Variants in BCL7A observed in about 807,000 individuals in gnomAD.
BCL7A encodes B-cell CLL/lymphoma 7 protein family member A.
Under a neutral mutation model 28.4 loss-of-function variants are expected in BCL7A, and 11 were observed. The ratio of observed to expected loss-of-function variants is 0.39; its 90% CI spans 0.24 to 0.64. BCL7A has a LOEUF of 0.64. Among genes scored for constraint, BCL7A ranks in the 30% least tolerant of loss-of-function variants. The probability of loss-of-function intolerance (pLI) is 0.50; values close to 1 mark genes in which losing one functional copy is unlikely to be tolerated. For synonymous variants in BCL7A, 123 were observed against 103.3 expected, an observed-to-expected ratio of 1.19 and a Z score of -1.15; for missense variants, 222 against 274.8, an observed-to-expected ratio of 0.81 and a Z score of 1.36.
intron 3 of BCL7A, among the ~76,000 whole-genome samples, chr12:122,043,635 G>A (rs1268832569): frequency 6.6e-6 from 1 of 151,932 alleles, no homozygotes; most frequent in Non-Finnish European, 1.5e-5. Flanking sequence ...AGCCAGGCGT[G>A]GTGGCAAGTA....
In BCL7A at chr12:122,044,308, A is replaced by G. The variant is rs559442757; in HGVS notation, c.439+255A>G. 67 of 414,186 alleles carry G rather than the reference A, an allele frequency of 1.6e-4. No individual in the cohort carries two copies. In the South Asian group the frequency reaches 2.8e-3, roughly 17 times the overall value. 25.7% of individuals were successfully genotyped at this position (414,186 alleles called of 1,614,324 possible). ...AGGACTGCTTGAGCCTAGGAGTTCA[A>G]GACCAGCCTGGGCAACATAGCAAGA... On this transcript the variant is annotated intron_variant, in intron 4 of 5. Coordinates refer to ENST00000261822, the MANE Select transcript of BCL7A (RefSeq NM_001024808.3).
chr12:122,035,738 G>A (rs1337914845), intron 3 of BCL7A, among the ~76,000 whole-genome samples: 1 of 152,182 alleles, frequency 6.6e-6, no homozygotes, highest in African/African-American at 2.4e-5. Flanking sequence ...AGATTGTTTG[G>A]GCGTATGTTT....
chr12:122,037,723 G>C (rs1883883874), intron 3 of BCL7A, among the ~76,000 whole-genome samples: 1 of 152,042 alleles, frequency 6.6e-6, no homozygotes, highest in Non-Finnish European at 1.5e-5. Context: ...GAGGTGGGCG[G>C]ATCACCTGAG....
Position 122,021,957 on chromosome 12 carries a change from T to TGTGTGTGTGTGTGTGAGA in BCL7A, c.-134_-133insTGTGTGTGTGTGTGAGAG. The TGTGTGTGTGTGTGTGAGA allele has an allele frequency of 1.7e-6, 1 of 583,462 alleles. No individual in the cohort carries two copies. Among genetic ancestry groups the TGTGTGTGTGTGTGTGAGA allele is most frequent in the Non-Finnish European group, 3.0e-6 (1 of 328,924 alleles). 36.1% of individuals were successfully genotyped at this position (583,462 alleles called of 1,614,324 possible). ...GTGTGTGTGTGTGTGTGTGTGTGTG[T>TGTGTGTGTGTGTGTGAGA]GAGTGTGTGCGTGTGAGAGTGCGAG... On this transcript the variant is annotated 5_prime_UTR_variant, in exon 1 of 6. The change abolishes the stop of an existing upstream ORF in the 5' untranslated region. Coordinates refer to ENST00000261822, the MANE Select transcript of BCL7A (RefSeq NM_001024808.3).
intron 1 of BCL7A, among the ~76,000 whole-genome samples, chr12:122,026,313 C>G (rs1300906471): frequency 6.6e-6 from 1 of 151,976 alleles, no homozygotes; most frequent in Non-Finnish European, 1.5e-5. Flanking sequence ...CATGGTGACC[C>G]TCGTCTGTAA....
intron 2 of BCL7A, 132 bp downstream of exon 2, chr12:122,030,913 C>A: frequency 1.2e-6 from 1 of 843,352 alleles, no homozygotes; most frequent in Non-Finnish European, 1.9e-6. Context: ...GTAGAAGGAC[C>A]CAGATTAGAC....
intron 1 of BCL7A, among the ~76,000 whole-genome samples, chr12:122,025,946 C>CAAAAAAAAAAAAAAAA (rs1204623444): frequency 9.2e-6 from 1 of 108,194 alleles, no homozygotes; most frequent in Non-Finnish European, 1.8e-5. Flanking sequence ...GACTCCATCT[C>CAAAAAAAAAAAAAAAA]AAAAAAAAAA....
intron 1 of BCL7A, 29 bp from the exon 2 acceptor site, chr12:122,030,671 G>A (rs144297458): frequency 2.6e-4 from 413 of 1,597,206 alleles, no homozygotes; most frequent in Non-Finnish European, 3.2e-4. Flanking sequence ...AAGAGTCCCC[G>A]GTAACAGGCT....
chr12:122,058,532 G>C (rs1193814759), intron 5 of BCL7A, among the ~76,000 whole-genome samples: 1 of 152,100 alleles, frequency 6.6e-6, no homozygotes, highest in Non-Finnish European at 1.5e-5. Context: ...GGTGGCGCGT[G>C]CCTGTAATCA....
chr12:122,027,227 T>C (rs1429580033), intron 1 of BCL7A, among the ~76,000 whole-genome samples: 4 of 152,234 alleles, frequency 2.6e-5, no homozygotes, highest in Admixed American at 2.6e-4. Flanking sequence ...CAGGTCATGT[T>C]TTCAAGAGTA....
chr12:122,058,324 G>C (rs1951893115), intron 5 of BCL7A, among the ~76,000 whole-genome samples: 1 of 152,150 alleles, frequency 6.6e-6, no homozygotes, highest in African/African-American at 2.4e-5. Flanking sequence ...GGCCAACATG[G>C]TGAAACATGG....
chr12:122,051,616 C>T (rs749376890), intron 4 of BCL7A, among the ~76,000 whole-genome samples: 1 of 152,140 alleles, frequency 6.6e-6, no homozygotes, highest in African/African-American at 2.4e-5. Context: ...CTGCCGGGCA[C>T]CTCTCTGCCC....
At position 122,021,995 on chromosome 12, in the gene BCL7A, A is replaced by G; in HGVS notation, c.-97A>G. 1 of 957,192 alleles carries G rather than the reference A, an allele frequency of 1.0e-6. No individual in the cohort carries two copies. The highest frequency in any genetic ancestry group is 2.8e-5 in the East Asian group (1 of 35,762). 59.3% of individuals were successfully genotyped at this position (957,192 alleles called of 1,614,324 possible). On this transcript the variant is annotated 5_prime_UTR_variant, in exon 1 of 6. Coordinates refer to ENST00000261822, the MANE Select transcript of BCL7A (RefSeq NM_001024808.3). ...GTGAGAGTGCGAGTGTCTGTGCGCG[A>G]GTGAGTGAGCGGCGGGCGGGCGCGA...
At chr12:122,054,375 C>T (rs1481035106) in intron 4 of BCL7A, among the ~76,000 whole-genome samples, 1 of 152,232 alleles carries the variant, frequency 6.6e-6, no homozygotes, top group Non-Finnish European at 1.5e-5. Context: ...GCCTGAGCCA[C>T]CGTGCCCGGC....
chr12:122,043,927 A>G lies in BCL7A; in HGVS notation c.313A>G (p.Ile105Val), dbSNP rs752255513. 21 of 1,613,620 alleles carry G rather than the reference A, an allele frequency of 1.3e-5. No individual in the cohort carries two copies. Among genetic ancestry groups the G allele is most frequent in the Non-Finnish European group, 1.7e-5 (20 of 1,179,986 alleles). The change falls in exon 4 of 6, where the codon ATC (isoleucine) becomes GTC (valine). Residue 105 changes from isoleucine (I) to valine (V), a missense_variant. Physicochemically the swap from Ile to Val is conservative, Grantham distance 29. Transcript: ENST00000261822. Reference protein sequence around the residue: ...NQSSIADASPIKQENSSNSSP... With the variant: ...NQSSIADASPVKQENSSNSSP... Reference sequence around the variant, plus strand: ...GAGCTCCATCGCAGATGCCTCCCCCATCAAACAGGAGAACAGCAGCAACTC... The same window carrying G: ...GAGCTCCATCGCAGATGCCTCCCCCGTCAAACAGGAGAACAGCAGCAACTC...
chr12:122,050,768 C>T (rs1296331197), intron 4 of BCL7A, among the ~76,000 whole-genome samples: 1 of 152,230 alleles, frequency 6.6e-6, no homozygotes, highest in Non-Finnish European at 1.5e-5. Flanking sequence ...TGCACTCCAG[C>T]TTGGGCGACA....
At position 122,052,316 on chromosome 12, in the gene BCL7A, G is replaced by T. The variant is rs55947116; in HGVS notation, c.440-2489G>T. Among the ~76,000 whole-genome samples, 642 of 152,288 alleles carry T rather than the reference G, an allele frequency of 4.2e-3. 8 individuals carry two copies. The highest frequency in any genetic ancestry group is 0.015 in the African/African-American group (608 of 41,540). ...TCCAAAGTGTTGGGAGTACAGGTGT[G>T]AGCAACTACACCTGGGTGATTTTTC... On this transcript the variant is annotated intron_variant, in intron 4 of 5. Coordinates refer to ENST00000261822, the MANE Select transcript of BCL7A (RefSeq NM_001024808.3).
At chr12:122,050,262 G>A (rs924679756) in intron 4 of BCL7A, among the ~76,000 whole-genome samples, 6 of 150,892 alleles carry the variant, frequency 4.0e-5, no homozygotes, top group Non-Finnish European at 8.8e-5. Context: ...TTACAGGCGT[G>A]AGCCACCACA....
At chr12:122,027,625 G>C (rs1883656114) in intron 1 of BCL7A, among the ~76,000 whole-genome samples, 1 of 152,152 alleles carries the variant, frequency 6.6e-6, no homozygotes, top group Non-Finnish European at 1.5e-5. Flanking sequence ...GTCACCTGAG[G>C]TCAAGAGTTT....
Sources: gnomAD v4.1 joint callset for allele counts (sites outside exome capture counted in the v4.1 genomes callset) on GRCh38, gnomAD v4.1.1 for gene constraint, MANE v1.5 for transcripts, NCBI Gene and HGNC (gene_info 2026-07-23, HGNC 2026-07-21) for gene names.